The following BABAM2 variants were observed in gnomAD, a reference collection of about 807,000 sequenced individuals.
The protein encoded by BABAM2 is BRISC and BRCA1 A complex member 2, also known as BRISC and BRCA1-A complex member 2.
Under a neutral mutation model 54.7 loss-of-function variants are expected in BABAM2, and 31 were observed. The observed-to-expected ratio is 0.57, with a 90% CI of 0.43 to 0.77. The LOEUF (loss-of-function observed/expected upper bound fraction) is 0.77. Among genes scored for constraint, BABAM2 ranks in the 30% least tolerant of loss-of-function variants. BABAM2 has a pLI of 0.00. For missense variants in BABAM2, 364 were observed against 455.8 expected (o/e 0.80, Z 1.83); for synonymous variants, 167 against 162.9 (o/e 1.03, Z -0.19).
At position 28,077,259 on chromosome 2, in the gene BABAM2, A is replaced by C. The variant is rs1166393862; in HGVS notation, c.570+31460A>C. The stretch of plus-strand genomic sequence containing the variant: ...TTGAATATCTTCTTACAGCATATTT[A>C]AATTAAGTTTTTCCTTTTTAAGAAC... On this transcript the variant is annotated intron_variant, in intron 6 of 11. Transcript: ENST00000379624. 2.6e-5 allele frequency among the ~76,000 whole-genome samples: 4 copies of C among 152,232 alleles called. No homozygotes were observed. The South Asian group carries it at 8.3e-4, about 31-fold the overall frequency.
intron 4 of BABAM2, among the ~76,000 whole-genome samples, chr2:28,004,131 CA>C (rs60410658): frequency 9.5e-4 from 130 of 136,866 alleles, no homozygotes; most frequent in African/African-American, 2.1e-3. Context: ...TTTTAAAAAG[CA>C]AAAAAAAAAA....
intron 6 of BABAM2, among the ~76,000 whole-genome samples, chr2:28,102,382 C>T (rs1410102082): frequency 6.6e-6 from 1 of 152,038 alleles, no homozygotes; most frequent in African/African-American, 2.4e-5. Context: ...CATACTTATT[C>T]TCATATTTTG....
chr2:27,994,846 A>T (rs181989703), intron 4 of BABAM2, among the ~76,000 whole-genome samples: 3 of 152,322 alleles, frequency 2.0e-5, no homozygotes, highest in African/African-American at 7.2e-5. Context: ...CATATAGTAT[A>T]GATGATAGGA....
chr2:28,064,058 GGAT>G (rs939495608), intron 6 of BABAM2, among the ~76,000 whole-genome samples: 9 of 152,286 alleles, frequency 5.9e-5, no homozygotes, highest in African/African-American at 2.2e-4. Context: ...CGTTTTCACT[GGAT>G]GAAGGGTTGG....
At chr2:28,302,259 A>G (rs1320801893) in intron 11 of BABAM2, among the ~76,000 whole-genome samples, 1 of 152,128 alleles carries the variant, frequency 6.6e-6, no homozygotes, top group Admixed American at 6.6e-5. Context: ...TCTACTAAAA[A>G]TACAAAAATT....
intron 7 of BABAM2, among the ~76,000 whole-genome samples, chr2:28,142,597 T>C (rs1671159133): frequency 1.3e-5 from 2 of 152,194 alleles, no homozygotes; most frequent in Admixed American, 1.3e-4. Flanking sequence ...ATTGGGTTTC[T>C]TTGTGCCAAG....
Position 28,077,055 on chromosome 2 carries a change from T to G in BABAM2, c.570+31256T>G, listed in dbSNP as rs139189439. Among the ~76,000 whole-genome samples, 398 of 152,328 alleles carry G rather than the reference T, an allele frequency of 2.6e-3. 4 individuals are homozygous for G. The highest frequency in any genetic ancestry group is 9.3e-3 in the African/African-American group (385 of 41,578). ...TCTCAAATGCCACTGTCTTTCATTT[T>G]TAGAGGCTGACAGGCCTTTTCAGCC... On this transcript the variant is annotated intron_variant, in intron 6 of 11. Coordinates refer to ENST00000379624, the MANE Select transcript of BABAM2 (RefSeq NM_199191.3).
chr2:28,181,302 A>G (rs1355880519), intron 7 of BABAM2, among the ~76,000 whole-genome samples: 2 of 152,218 alleles, frequency 1.3e-5, no homozygotes, highest in African/African-American at 4.8e-5. Context: ...TTGGCCATAA[A>G]GAGTGAAATT....
chr2:28,214,451 G>A (rs1463062980), intron 7 of BABAM2, among the ~76,000 whole-genome samples: 1 of 152,038 alleles, frequency 6.6e-6, no homozygotes, highest in Non-Finnish European at 1.5e-5. Context: ...CAATCTTGTT[G>A]ACCTTGTGTT....
intron 5 of BABAM2, among the ~76,000 whole-genome samples, chr2:28,043,154 A>ATTTTTTTTTTTTTTTTTTTTT: frequency 6.9e-6 from 1 of 144,726 alleles, no homozygotes. Context: ...TTTTAGACGG[A>ATTTTTTTTTTTTTTTTTTTTT]GTCTTGCTCT....
At chr2:28,060,568 A>G (rs1167310521) in intron 6 of BABAM2, among the ~76,000 whole-genome samples, 3 of 152,186 alleles carry the variant, frequency 2.0e-5, no homozygotes, top group Non-Finnish European at 2.9e-5. Flanking sequence ...CACAGATGAT[A>G]TTGTTGACTA....
rs144248752 is a variant in BABAM2 at position 28,131,380 on chromosome 2, C to CCCAAGGAGTGTTT, written c.680+2000_680+2001insCCAAGGAGTGTTT. 4.4e-4 allele frequency among the ~76,000 whole-genome samples: 45 copies of CCCAAGGAGTGTTT among 101,714 alleles called. 2 individuals carry two copies. Among genetic ancestry groups the CCCAAGGAGTGTTT allele is most frequent in the African/African-American group, 1.7e-3 (44 of 25,656 alleles). 66.7% of individuals were successfully genotyped at this position (101,714 alleles called of 152,430 possible). ...ACAGGCGTGAGCCACCGCGCCCGGC[C>CCCAAGGAGTGTTT]TATTATTTTTTAATTGAAAATACTG... On this transcript the variant is annotated intron_variant, in intron 7 of 11. Transcript: ENST00000379624.
At chr2:28,060,091 A>G (rs970374561) in intron 6 of BABAM2, among the ~76,000 whole-genome samples, 1 of 152,224 alleles carries the variant, frequency 6.6e-6, no homozygotes, top group Non-Finnish European at 1.5e-5. Context: ...CACAGGTGCA[A>G]TATTTGAAAT....
intron 10 of BABAM2, among the ~76,000 whole-genome samples, chr2:28,259,833 T>C (rs1684332059): frequency 6.6e-6 from 1 of 152,136 alleles, no homozygotes; most frequent in East Asian, 1.9e-4. Context: ...GTCTAGTCTT[T>C]CCCCATTAAA....
intron 7 of BABAM2, among the ~76,000 whole-genome samples, chr2:28,219,316 C>G (rs1315643572): frequency 6.6e-6 from 1 of 152,228 alleles, no homozygotes; most frequent in African/African-American, 2.4e-5. Flanking sequence ...TTCAAGCCAG[C>G]AATGGCAAGT....
At chr2:27,894,721 C>G (rs1338784347) in intron 2 of BABAM2, 37 bp downstream of exon 2, 1 of 1,611,254 alleles carries the variant, frequency 6.2e-7, no homozygotes, top group Admixed American at 1.7e-5. Flanking sequence ...TGTACCAGAA[C>G]CAATTCAACC....
intron 6 of BABAM2, among the ~76,000 whole-genome samples, chr2:28,098,547 G>A (rs527822511): frequency 1.3e-4 from 20 of 152,008 alleles, no homozygotes; most frequent in African/African-American, 4.6e-4. Flanking sequence ...TTTAATTCTT[G>A]TTCCTCTCCA....
chr2:27,927,834 TTC>T (rs1667819194), intron 2 of BABAM2, among the ~76,000 whole-genome samples: 1 of 118,972 alleles, frequency 8.4e-6, no homozygotes, highest in Non-Finnish European at 2.0e-5. Context: ...TTGTTAAAGT[TTC>T]TGTTTTTTTT....
At chr2:28,149,236 T>A (rs1281664960) in intron 7 of BABAM2, among the ~76,000 whole-genome samples, 1 of 152,206 alleles carries the variant, frequency 6.6e-6, no homozygotes, top group East Asian at 1.9e-4. Context: ...TCCCTTGGTA[T>A]AATGGATGGT....
Sources: allele counts gnomAD v4.1 joint callset (sites outside exome capture counted in the v4.1 genomes callset), GRCh38; gene constraint gnomAD v4.1.1; transcripts MANE v1.5; gene names NCBI Gene and HGNC (gene_info 2026-07-23, HGNC 2026-07-21).